The following CENPP variants were observed in gnomAD, a reference collection of about 807,000 sequenced individuals.
The protein encoded by CENPP is centromere protein P.
In CENPP, 24 loss-of-function variants were observed where a neutral mutation model predicts 35.6. That is an observed-to-expected ratio of 0.67 (90% confidence interval 0.49 to 0.95). The LOEUF (loss-of-function observed/expected upper bound fraction) is 0.95. CENPP is among the 40% of genes least tolerant of loss of function. The probability of loss-of-function intolerance (pLI) is 0.00; values close to 1 mark genes in which losing one functional copy is unlikely to be tolerated. For synonymous variants in CENPP, 120 were observed against 125.5 expected, an observed-to-expected ratio of 0.96 and a Z score of 0.29; for missense variants, 332 against 345.3, an observed-to-expected ratio of 0.96 and a Z score of 0.31.
chr9:92,567,393 T>TATATATATATAG lies in CENPP; in HGVS notation c.565-43918_565-43917insTATATATAGATA, dbSNP rs1554688302. 5.6e-5 allele frequency among the ~76,000 whole-genome samples: 7 copies of TATATATATATAG among 124,918 alleles called. No individual in the cohort carries two copies. In the South Asian group the frequency reaches 6.8e-4, roughly 12 times the overall value. The allele number at this position is 124,918 out of a possible 152,430, so 82.0% of individuals were successfully genotyped here. On this transcript the variant is annotated intron_variant, in intron 5 of 7. Coordinates refer to ENST00000375587, the MANE Select transcript of CENPP (RefSeq NM_001012267.3). ...AGATAGATATATATATATATATATATATAGATATATATATAAAGTGGTTAG... is the reference window on the plus strand; with the variant it reads ...AGATAGATATATATATATATATATATATATATATATAGATAGATATATATATAAAGTGGTTAG...
intron 5 of CENPP, among the ~76,000 whole-genome samples, chr9:92,397,933 A>T (rs1842957402): frequency 6.6e-6 from 1 of 152,222 alleles, no homozygotes; most frequent in Non-Finnish European, 1.5e-5. Context: ...ACAAACCCTG[A>T]GTTAATAGTA....
At chr9:92,567,401 T>G (rs7862850) in intron 5 of CENPP, among the ~76,000 whole-genome samples, 7,285 of 124,126 alleles carry the variant, frequency 0.059, 224 homozygotes, top group Non-Finnish European at 0.081. Context: ...TATATAGATA[T>G]ATATATAAAG....
chr9:92,449,437 C>CAAAAAAAAA (rs56218626), intron 5 of CENPP, among the ~76,000 whole-genome samples: 25 of 54,958 alleles, frequency 4.5e-4, no homozygotes, highest in Non-Finnish European at 7.4e-4. Context: ...ACTCTATCTC[C>CAAAAAAAAA]AAAAAAAAAA....
chr9:92,563,371 A>G (rs72754463), intron 5 of CENPP, among the ~76,000 whole-genome samples: 6,062 of 152,296 alleles, frequency 0.04, 186 homozygotes, highest in South Asian at 0.099. Context: ...CAAACAGTAC[A>G]TAAATTCTTT....
intron 5 of CENPP, among the ~76,000 whole-genome samples, chr9:92,541,111 T>C (rs903877225): frequency 6.6e-6 from 1 of 151,602 alleles, no homozygotes; most frequent in Non-Finnish European, 1.5e-5. Context: ...AAAACAAAAT[T>C]AGCCAGGTGC....
intron 4 of CENPP, among the ~76,000 whole-genome samples, chr9:92,363,716 T>C (rs1841819103): frequency 6.6e-6 from 1 of 152,240 alleles, no homozygotes; most frequent in Non-Finnish European, 1.5e-5. Context: ...TTATAGTATG[T>C]ATGTGTTTAT....
intron 5 of CENPP, among the ~76,000 whole-genome samples, chr9:92,559,833 A>G (rs1588275423): frequency 6.6e-6 from 1 of 152,128 alleles, no homozygotes; most frequent in East Asian, 1.9e-4. Flanking sequence ...TGCTGATGAA[A>G]TAAGGGAAGC....
Position 92,593,978 on chromosome 9 carries a change from A to G in CENPP, c.565-17336A>G, listed in dbSNP as rs1850720277. On this transcript the variant is annotated intron_variant, in intron 5 of 7. Transcript: ENST00000375587. This position sits in a 1 kb window ranked among gnomAD's most constrained non-coding sequence, Gnocchi z 4.1. ...GAAGGACATTAAGGCAAAACTGAGG[A>G]AATCTGAATGAAATTTGGACTTTAG... Among the ~76,000 whole-genome samples the G allele has an allele frequency of 6.6e-6, 1 of 152,188 alleles. No individual in the cohort carries two copies. The highest frequency in any genetic ancestry group is 2.4e-5 in the African/African-American group (1 of 41,448).
In CENPP at chr9:92,512,198, G is replaced by A. The variant is rs898661164; in HGVS notation, c.565-99116G>A. 4.2e-6 allele frequency: 4 copies of A among 949,462 alleles called. No individual in the cohort carries two copies. The South Asian group carries it at 4.7e-5, about 11-fold the overall frequency. 58.8% of individuals were successfully genotyped at this position (949,462 alleles called of 1,614,324 possible). A position where few individuals can be genotyped will look rare whatever the true frequency, so the allele number is the denominator to read the frequency against. On this transcript the variant is annotated intron_variant, in intron 5 of 7. Coordinates refer to ENST00000375587, the MANE Select transcript of CENPP (RefSeq NM_001012267.3). ...CATGTACACACATGTATGGGCATGT[G>A]TGCATAGATATCAAGAGAGAGCTTT...
chr9:92,501,224 A>C (rs542048271), intron 5 of CENPP, among the ~76,000 whole-genome samples: 3 of 152,276 alleles, frequency 2.0e-5, no homozygotes, highest in East Asian at 1.9e-4. Flanking sequence ...AGTCTCTTGC[A>C]CCAAGCTGCA....
intron 5 of CENPP, among the ~76,000 whole-genome samples, chr9:92,587,791 CAG>C: frequency 6.6e-6 from 1 of 152,224 alleles, no homozygotes; most frequent in East Asian, 1.9e-4. Context: ...TTGCACAACA[CAG>C]AGAATGGAGT....
In CENPP at chr9:92,575,875, A is replaced by G. The variant is rs1850270975; in HGVS notation, c.565-35439A>G. ...ATAACAAGCACTGGCAAGAAAGTAG[A>G]AAAATTAGAACCGTTGCGCGCTGTT... On this transcript the variant is annotated intron_variant, in intron 5 of 7. Transcript: ENST00000375587. Among the ~76,000 whole-genome samples the G allele has an allele frequency of 3.3e-5, 5 of 152,176 alleles. No individual in the cohort carries two copies. In the South Asian group the frequency reaches 1.0e-3, roughly 32 times the overall value.
intron 5 of CENPP, among the ~76,000 whole-genome samples, chr9:92,423,285 A>G (rs777510884): frequency 8.5e-5 from 13 of 152,272 alleles, no homozygotes; most frequent in Non-Finnish European, 1.6e-4. Flanking sequence ...CCAGTTTTCA[A>G]TGTGAATTTT....
intron 5 of CENPP, among the ~76,000 whole-genome samples, chr9:92,395,941 G>A (rs367584095): frequency 6.6e-6 from 1 of 151,018 alleles, no homozygotes; most frequent in Non-Finnish European, 1.5e-5. Context: ...AATGTTTGCC[G>A]ACCACCAAGA....
chr9:92,478,220 T>C (rs912363750), intron 5 of CENPP, among the ~76,000 whole-genome samples: 3 of 152,206 alleles, frequency 2.0e-5, no homozygotes, highest in Non-Finnish European at 4.4e-5. Flanking sequence ...TACTGCTGTC[T>C]TTTCCTACCA....
chr9:92,579,896 G>T (rs928128814), intron 5 of CENPP, among the ~76,000 whole-genome samples: 1 of 148,822 alleles, frequency 6.7e-6, no homozygotes, highest in African/African-American at 2.6e-5. Context: ...CAAAGGGAGT[G>T]CTTCCAGTTT....
At chr9:92,542,576 G>T (rs1380739675) in intron 5 of CENPP, among the ~76,000 whole-genome samples, 2 of 151,752 alleles carry the variant, frequency 1.3e-5, no homozygotes, top group South Asian at 2.1e-4. Flanking sequence ...TAGTGCAGTG[G>T]CACGATCATG....
At chr9:92,495,329 T>G (rs1038587918) in intron 5 of CENPP, 117 of 906,708 alleles carry the variant, frequency 1.3e-4, no homozygotes, top group Non-Finnish European at 1.5e-4. Context: ...GTTAGAAAAT[T>G]TTAATATATG....
At chr9:92,377,282 A>G (rs1842146123) in intron 4 of CENPP, among the ~76,000 whole-genome samples, 1 of 152,194 alleles carries the variant, frequency 6.6e-6, no homozygotes, top group South Asian at 2.1e-4. Context: ...ATTTCTTTCT[A>G]GCTCCTGTAT....
Sources: allele counts gnomAD v4.1 joint callset (sites outside exome capture counted in the v4.1 genomes callset), GRCh38; gene constraint gnomAD v4.1.1; non-coding constraint Gnocchi (gnomAD v3.1); transcripts MANE v1.5; gene names NCBI Gene and HGNC (gene_info 2026-07-23, HGNC 2026-07-21).